The following C17orf78 variants were observed in gnomAD, a reference collection of about 807,000 sequenced individuals.
C17orf78 encodes chromosome 17 open reading frame 78, also known as uncharacterized protein C17orf78.
In C17orf78, 27 loss-of-function variants were observed where a neutral mutation model predicts 31.8. That is an observed-to-expected ratio of 0.85 (90% CI 0.63 to 1.17). The LOEUF is 1.17. Ranked by LOEUF, C17orf78 falls within the 50% of genes most tolerant of loss-of-function variation. The pLI is 0.00. For synonymous variants in C17orf78, 106 were observed against 115.1 expected, an observed-to-expected ratio of 0.92 and a Z score of 0.51; for missense variants, 258 against 315.2, an observed-to-expected ratio of 0.82 and a Z score of 1.37.
chr17:37,384,032 G>C (rs1217983242), intron 3 of C17orf78, among the ~76,000 whole-genome samples: 2 of 152,166 alleles, frequency 1.3e-5, no homozygotes, highest in Admixed American at 1.3e-4. Flanking sequence ...TTGGGAGCCC[G>C]AGGCGGGCAG....
chr17:37,390,330 A>ATCTATATATCTATATATC lies in C17orf78; in HGVS notation c.750+969_750+970insCTATATATCTATATATCT, dbSNP rs1555672372. On this transcript the variant is annotated intron_variant, in intron 6 of 6. Coordinates refer to ENST00000615133, the MANE Select transcript of C17orf78 (RefSeq NM_173625.5). ...TATATATATATATATATATATATAT[A>ATCTATATATCTATATATC]TATAAAAGGCCAGCTGGGCCGGGCA... Among the ~76,000 whole-genome samples, 314 of 41,582 alleles carry ATCTATATATCTATATATC rather than the reference A, an allele frequency of 7.6e-3. 34 individuals are homozygous for ATCTATATATCTATATATC. Among genetic ancestry groups the ATCTATATATCTATATATC allele is most frequent in the East Asian group, 0.041 (25 of 610 alleles). The allele number at this position is 41,582 out of a possible 152,430, so 27.3% of individuals were successfully genotyped here.
chr17:37,388,268 A>G (rs938904275), intron 4 of C17orf78, among the ~76,000 whole-genome samples: 1 of 152,166 alleles, frequency 6.6e-6, no homozygotes, highest in African/African-American at 2.4e-5. Flanking sequence ...GAAACATAGG[A>G]AAGGCGACTT....
intron 4 of C17orf78, 81 bp from the exon 5 acceptor site, chr17:37,388,586 CAGA>C: frequency 6.8e-7 from 1 of 1,469,536 alleles, no homozygotes; most frequent in Non-Finnish European, 9.3e-7. Context: ...TCTTGTGAGC[CAGA>C]AGAACTTCAG....
rs1386032855 is a variant in C17orf78 at position 37,390,330 on chromosome 17, A to ATATATATATCTATATCTATATC, written c.750+972_750+973insTATATCTATATCTATATCTATA. Among the ~76,000 whole-genome samples, 25 of 41,582 alleles carry ATATATATATCTATATCTATATC rather than the reference A, an allele frequency of 6.0e-4. 5 individuals carry two copies. The highest frequency in any genetic ancestry group is 3.1e-3 in the African/African-American group (24 of 7,842). 27.3% of individuals were successfully genotyped at this position (41,582 alleles called of 152,430 possible). A position where few individuals can be genotyped will look rare whatever the true frequency, so the allele number is the denominator to read the frequency against. ...TATATATATATATATATATATATAT[A>ATATATATATCTATATCTATATC]TATAAAAGGCCAGCTGGGCCGGGCA... On this transcript the variant is annotated intron_variant, in intron 6 of 6. Transcript: ENST00000615133.
chr17:37,388,931 T>A (rs192034327), intron 5 of C17orf78, 137 bp downstream of exon 5: 2 of 1,200,538 alleles, frequency 1.7e-6, no homozygotes, highest in Non-Finnish European at 2.3e-6. Context: ...ACTAGCTGAG[T>A]GGTGTTGGGA....
rs1390747177 is a variant in C17orf78, at chr17:37,391,829, T to C, written c.*105T>C. 2.5e-5 allele frequency: 26 copies of C among 1,043,810 alleles called. No homozygotes were observed. Among genetic ancestry groups the C allele is most frequent in the Non-Finnish European group, 3.8e-5 (26 of 679,770 alleles). 64.7% of individuals were successfully genotyped at this position (1,043,810 alleles called of 1,614,324 possible). On this transcript the variant is annotated 3_prime_UTR_variant, in exon 7 of 7. Transcript: ENST00000615133. ...CACACTTGTATCTTCAGCAGGGACA[T>C]TACAATCAAACACCAATTCCTGGTT...
intron 3 of C17orf78, among the ~76,000 whole-genome samples, chr17:37,385,433 A>G (rs1292968255): frequency 6.6e-6 from 1 of 152,002 alleles, no homozygotes; most frequent in Non-Finnish European, 1.5e-5. Flanking sequence ...AGATCACACC[A>G]TTGCACTCCA....
At position 37,389,249 on chromosome 17, in the gene C17orf78, C is replaced by A. The variant is rs1013032592; in HGVS notation, c.637C>A (p.Gln213Lys). The A allele has an allele frequency of 1.3e-6, 2 of 1,582,990 alleles. No individual in the cohort carries two copies. The highest frequency in any genetic ancestry group is 2.7e-5 in the African/African-American group (2 of 74,408). ...FVIFEVPCPY[Q>K]CLGARKLCQC... is the part of the protein sequence containing the mutation. ...ACCAGTCATTTTCTCCCTTCAGTAT[C>A]AATGCCTAGGAGCCAGGAAGCTGTG... The change falls in exon 6 of 7, where the codon CAA becomes AAA. Residue 213 changes from glutamine to lysine, a missense_variant. By Grantham distance (53) the Gln-to-Lys change is moderately conservative (BLOSUM62 1). Transcript: ENST00000615133.
At position 37,391,789 on chromosome 17, in the gene C17orf78, C is replaced by G. The variant is rs1040683959; in HGVS notation, c.*65C>G. The G allele has an allele frequency of 2.2e-6, 3 of 1,368,232 alleles. No individual in the cohort carries two copies. The highest frequency in any genetic ancestry group is 3.1e-6 in the Non-Finnish European group (3 of 963,372). The allele number at this position is 1,368,232 out of a possible 1,614,324, so 84.8% of individuals were successfully genotyped here. The stretch of plus-strand genomic sequence containing the variant: ...AGTCCTCTCCCTATTAATATGGGCA[C>G]ATTCTTGCCAATTTCACACTTGTAT... On this transcript the variant is annotated 3_prime_UTR_variant, in exon 7 of 7. Transcript: ENST00000615133.
At chr17:37,384,096 T>A (rs2050423551) in intron 3 of C17orf78, among the ~76,000 whole-genome samples, 1 of 152,138 alleles carries the variant, frequency 6.6e-6, no homozygotes, top group Admixed American at 6.5e-5. Context: ...AAACCCCGTC[T>A]CTACTAAAAA....
chr17:37,385,480 A>T (rs2050487015), intron 3 of C17orf78, among the ~76,000 whole-genome samples: 1 of 152,026 alleles, frequency 6.6e-6, no homozygotes, highest in Non-Finnish European at 1.5e-5. Flanking sequence ...CTTAAAAAAA[A>T]AAAAATTGCT....
chr17:37,383,917 C>T (rs7215774), intron 3 of C17orf78, among the ~76,000 whole-genome samples: 103,997 of 152,092 alleles, frequency 0.68, 36,753 homozygotes, highest in East Asian at 0.97. Flanking sequence ...AACTTCCTAT[C>T]CTGAATTTAA....
intron 2 of C17orf78, among the ~76,000 whole-genome samples, chr17:37,378,747 C>T (rs2050113241): frequency 6.6e-6 from 1 of 151,732 alleles, no homozygotes; most frequent in African/African-American, 2.4e-5. Flanking sequence ...TGCCATTGCA[C>T]TCTAGCCTGG....
intron 1 of C17orf78, 77 bp from the exon 2 acceptor site, chr17:37,377,802 A>G: frequency 6.6e-6 from 8 of 1,214,460 alleles, no homozygotes; most frequent in Non-Finnish European, 9.6e-6. Flanking sequence ...CCAGAATTCT[A>G]AAAAGTAAGT....
In C17orf78 at chr17:37,392,678, A is replaced by G. The variant is rs916850453; in HGVS notation, c.*954A>G. 2.6e-5 allele frequency: 4 copies of G among 152,160 alleles called. No homozygotes were observed. Among genetic ancestry groups the G allele is most frequent in the Admixed American group, 6.5e-5 (1 of 15,280 alleles). 9.4% of individuals were successfully genotyped at this position (152,160 alleles called of 1,614,324 possible). ...GTTCTCTGGTTAAAAAAAAAAATAC[A>G]TAAACTGTATCCTTCTTTCTTTCAC... On this transcript the variant is annotated 3_prime_UTR_variant, in exon 7 of 7. Transcript: ENST00000615133.
chr17:37,392,572 T>C lies in C17orf78; in HGVS notation c.*848T>C, dbSNP rs754335484. 1.3e-5 allele frequency: 2 copies of C among 152,160 alleles called. No individual in the cohort carries two copies. Among genetic ancestry groups the C allele is most frequent in the Non-Finnish European group, 2.9e-5 (2 of 68,034 alleles). 9.4% of individuals were successfully genotyped at this position (152,160 alleles called of 1,614,324 possible). A position where few individuals can be genotyped will look rare whatever the true frequency, so the allele number is the denominator to read the frequency against. On this transcript the variant is annotated 3_prime_UTR_variant, in exon 7 of 7. Transcript: ENST00000615133. ...GGAGGGATAAGACAGGGTGAGGCCC[T>C]GCTTCTTTTCCTAAGAGTCTGAAAC...
chr17:37,390,334 A>ATATATATATATATATATATATATATCTAT, intron 6 of C17orf78, among the ~76,000 whole-genome samples: 1 of 93,424 alleles, frequency 1.1e-5, no homozygotes. Context: ...ATATATATAT[A>ATATATATATATATATATATATATATCTAT]AAAGGCCAGC....
Position 37,380,673 on chromosome 17 carries a change from C to T in C17orf78, c.391+1291C>T, listed in dbSNP as rs143395914. 7.0e-3 allele frequency among the ~76,000 whole-genome samples: 1,069 copies of T among 152,218 alleles called. 8 individuals are homozygous for T. The highest frequency in any genetic ancestry group is 0.025 in the African/African-American group (1,021 of 41,550). On this transcript the variant is annotated intron_variant, in intron 3 of 6. Coordinates refer to ENST00000615133, the MANE Select transcript of C17orf78 (RefSeq NM_173625.5). The stretch of plus-strand genomic sequence containing the variant: ...AGTCCAGTGGTGCGATCTTGGCCCA[C>T]TGCAACCTCTGCCTCCCAGGTTAAA...
At chr17:37,378,035 C>A in intron 2 of C17orf78, 70 bp downstream of exon 2, 4 of 1,342,590 alleles carry the variant, frequency 3.0e-6, no homozygotes, top group Non-Finnish European at 4.3e-6. Context: ...AAAGATATCT[C>A]ATCTTCCCAC....
Sources: gnomAD v4.1 joint callset for allele counts (sites outside exome capture counted in the v4.1 genomes callset) on GRCh38, gnomAD v4.1.1 for gene constraint, MANE v1.5 for transcripts, NCBI Gene and HGNC (gene_info 2026-07-23, HGNC 2026-07-21) for gene names.